The following MCU variants were observed in gnomAD, a reference collection of about 807,000 sequenced individuals.
MCU encodes mitochondrial calcium uniporter.
MCU carries 12 observed loss-of-function variants against 45.2 expected under a neutral mutation model. That is an observed-to-expected ratio of 0.27 (90% confidence interval 0.17 to 0.43). The LOEUF (loss-of-function observed/expected upper bound fraction) is 0.43, where lower values mean the gene tolerates loss of function less well. MCU is among the 20% of genes least tolerant of loss of function. The pLI, the probability that MCU is intolerant of heterozygous loss-of-function variation, is 1.00. For synonymous variants in MCU, 160 were observed against 165.1 expected, an observed-to-expected ratio of 0.97 and a Z score of 0.24; for missense variants, 324 against 436.7, an observed-to-expected ratio of 0.74 and a Z score of 2.30.
intron 1 of MCU, among the ~76,000 whole-genome samples, chr10:72,710,300 A>G (rs1348474119): frequency 1.3e-5 from 2 of 152,146 alleles, no homozygotes; most frequent in Non-Finnish European, 1.5e-5. Context: ...TAATGATTCT[A>G]GAGCTTTTAA....
At chr10:72,711,817 T>C (rs1318342222) in intron 1 of MCU, among the ~76,000 whole-genome samples, 1 of 150,678 alleles carries the variant, frequency 6.6e-6, no homozygotes, top group Admixed American at 6.6e-5. Flanking sequence ...GTTCACGTCA[T>C]TCTCCTGCCT....
intron 1 of MCU, among the ~76,000 whole-genome samples, chr10:72,762,400 G>C (rs1266773105): frequency 2.0e-5 from 3 of 151,762 alleles, no homozygotes; most frequent in African/African-American, 7.3e-5. Flanking sequence ...TTAAAAAATA[G>C]ATGGTATTTG....
intron 1 of MCU, among the ~76,000 whole-genome samples, chr10:72,740,235 C>T (rs894440250): frequency 6.6e-5 from 10 of 151,768 alleles, no homozygotes; most frequent in African/African-American, 1.2e-4. Context: ...AAAAATTAGC[C>T]GGGCATGGTG....
chr10:72,702,111 G>C lies in MCU; in HGVS notation c.150+9810G>C, dbSNP rs901784981. 3.3e-5 allele frequency among the ~76,000 whole-genome samples: 5 copies of C among 151,476 alleles called. No individual in the cohort carries two copies. In the South Asian group the frequency reaches 6.3e-4, roughly 19 times the overall value. ...AAAAAAAATTAGCCAGTCATGGTTG[G>C]GGGGGAGGGGGGCGCCATAATTCCA... On this transcript the variant is annotated intron_variant, in intron 1 of 7. Coordinates refer to ENST00000373053, the MANE Select transcript of MCU (RefSeq NM_138357.3).
intron 1 of MCU, among the ~76,000 whole-genome samples, chr10:72,699,112 T>G (rs1030224481): frequency 7.2e-5 from 11 of 152,328 alleles, no homozygotes; most frequent in African/African-American, 2.4e-4. Flanking sequence ...CTCTTTATTC[T>G]TTGATTAATG....
intron 1 of MCU, among the ~76,000 whole-genome samples, chr10:72,823,122 T>C (rs550238061): frequency 1.3e-4 from 20 of 152,332 alleles, no homozygotes; most frequent in African/African-American, 4.3e-4. Flanking sequence ...CAAATGGTCA[T>C]TGACTGATGA....
At chr10:72,852,103 A>G (rs760023952) in intron 2 of MCU, among the ~76,000 whole-genome samples, 7 of 152,202 alleles carry the variant, frequency 4.6e-5, no homozygotes, top group Non-Finnish European at 7.3e-5. Context: ...CACATACAGA[A>G]AGGGGATAAT....
intron 1 of MCU, among the ~76,000 whole-genome samples, chr10:72,829,368 G>A (rs1589483829): frequency 6.7e-6 from 1 of 148,884 alleles, no homozygotes; most frequent in Non-Finnish European, 1.5e-5. Flanking sequence ...CCCTTTCTCT[G>A]ATAATTTTTG....
At position 72,795,667 on chromosome 10, in the gene MCU, G is replaced by A. The variant is rs74352650; in HGVS notation, c.151-38692G>A. On this transcript the variant is annotated intron_variant, in intron 1 of 7. Transcript: ENST00000373053. ...CTTCTGATGAGGCATCTATTATGTG[G>A]TGTCTGTTTCTTGGCACAAAGGAAC... 1.3e-3 allele frequency among the ~76,000 whole-genome samples: 194 copies of A among 152,216 alleles called. 3 individuals are homozygous for A. In the East Asian group the frequency reaches 0.036, roughly 28 times the overall value.
chr10:72,698,785 G>A (rs1307916055), intron 1 of MCU, among the ~76,000 whole-genome samples: 1 of 152,058 alleles, frequency 6.6e-6, no homozygotes, highest in Non-Finnish European at 1.5e-5. Context: ...TATTACAGGC[G>A]TGAGCCACCA....
intron 1 of MCU, among the ~76,000 whole-genome samples, chr10:72,779,902 T>G (rs1394729692): frequency 6.6e-6 from 1 of 152,160 alleles, no homozygotes; most frequent in Non-Finnish European, 1.5e-5. Context: ...GTATTTCCCA[T>G]AGAACCTAGC....
intron 1 of MCU, among the ~76,000 whole-genome samples, chr10:72,727,529 A>G (rs1589434457): frequency 6.6e-6 from 1 of 152,152 alleles, no homozygotes; most frequent in South Asian, 2.1e-4. Flanking sequence ...CAGTACTCCA[A>G]TCAAGTGTCA....
rs533889396 is a variant in MCU, at chr10:72,875,770, T to A, written c.861+4190T>A. ...GAATATTGAGTTTTGCTGATTAATATTTCAGTAGAACCTGAGTACTGATTT... is the reference window on the plus strand; with the variant it reads ...GAATATTGAGTTTTGCTGATTAATAATTCAGTAGAACCTGAGTACTGATTT... On this transcript the variant is annotated intron_variant, in intron 6 of 7. Coordinates refer to ENST00000373053, the MANE Select transcript of MCU (RefSeq NM_138357.3). Among the ~76,000 whole-genome samples, 6 of 152,324 alleles carry A rather than the reference T, an allele frequency of 3.9e-5. No homozygotes were observed. The South Asian group carries it at 1.2e-3, about 32-fold the overall frequency.
chr10:72,714,467 A>G (rs760700469), intron 1 of MCU, among the ~76,000 whole-genome samples: 1 of 148,650 alleles, frequency 6.7e-6, no homozygotes, highest in Non-Finnish European at 1.5e-5. Flanking sequence ...AGTTGGGACT[A>G]TAGGCCCACA....
chr10:72,770,237 T>C (rs958708549), intron 1 of MCU, among the ~76,000 whole-genome samples: 1 of 152,196 alleles, frequency 6.6e-6, no homozygotes, highest in African/African-American at 2.4e-5. Context: ...TATATTTTTA[T>C]ACCTCTCTTT....
At chr10:72,811,745 C>A (rs184666318) in intron 1 of MCU, among the ~76,000 whole-genome samples, 21 of 152,170 alleles carry the variant, frequency 1.4e-4, no homozygotes, top group African/African-American at 4.6e-4. Flanking sequence ...TGAATTTTTG[C>A]AAAATAAATT....
intron 1 of MCU, among the ~76,000 whole-genome samples, chr10:72,827,278 T>C (rs1290866631): frequency 6.6e-6 from 1 of 152,164 alleles, no homozygotes; most frequent in Non-Finnish European, 1.5e-5. Context: ...TGCATTTGGG[T>C]TTTTAGTTTT....
At chr10:72,858,890 A>G (rs1186554154) in intron 2 of MCU, among the ~76,000 whole-genome samples, 1 of 152,202 alleles carries the variant, frequency 6.6e-6, no homozygotes, top group African/African-American at 2.4e-5. Flanking sequence ...ACCAATATCA[A>G]GAACTTCACC....
rs573463800 is a variant in MCU, at chr10:72,757,420, AC to A, written c.150+65120del. ...TGTGCTTCATCTCCTTCTTCCTCCT[AC>A]TTCCCCAACCCCCACCCAAAGAACA... On this transcript the variant is annotated intron_variant, in intron 1 of 7. Transcript: ENST00000373053. Among the ~76,000 whole-genome samples the A allele has an allele frequency of 2.4e-3, 362 of 152,312 alleles. 6 individuals are homozygous for A. The highest frequency in any genetic ancestry group is 0.021 in the Admixed American group (323 of 15,292).
Sources: allele counts gnomAD v4.1 joint callset (sites outside exome capture counted in the v4.1 genomes callset), GRCh38; gene constraint gnomAD v4.1.1; transcripts MANE v1.5; gene names NCBI Gene and HGNC (gene_info 2026-07-23, HGNC 2026-07-21).